Variants in RNF180 observed in about 807,000 individuals in gnomAD.
RNF180 encodes ring finger protein 180.
RNF180 carries 38 observed loss-of-function variants against 59.2 expected under a neutral mutation model. That is an observed-to-expected ratio of 0.64 (90% CI 0.50 to 0.84). RNF180 has a LOEUF of 0.84. Ranked by LOEUF, RNF180 falls within the 40% of genes least tolerant of loss-of-function variation. The pLI, the probability that RNF180 is intolerant of heterozygous loss-of-function variation, is 0.00. For synonymous variants in RNF180, 262 were observed against 240.3 expected (o/e 1.09, Z -0.84); for missense variants, 705 against 700.9 (o/e 1.01, Z -0.07).
At chr5:64,256,976 A>T (rs866116919) in intron 5 of RNF180, among the ~76,000 whole-genome samples, 2 of 152,116 alleles carry the variant, frequency 1.3e-5, no homozygotes, top group African/African-American at 2.4e-5. Context: ...TGTGAATGGG[A>T]GTTCACTCCT....
At chr5:64,165,360 T>C (rs1749565836), upstream of RNF180, among the ~76,000 whole-genome samples, 2 of 151,994 alleles carry the variant, frequency 1.3e-5, no homozygotes, top group African/African-American at 4.8e-5. Context: ...TGCACATCGG[T>C]GGAACTTTAG....
At chr5:64,284,207 T>C (rs1167803370) in intron 5 of RNF180, among the ~76,000 whole-genome samples, 1 of 146,560 alleles carries the variant, frequency 6.8e-6, no homozygotes, top group Non-Finnish European at 1.5e-5. Flanking sequence ...GCTTGTAGGG[T>C]TTCTACTGAA....
At chr5:64,172,926 A>G (rs565069972) in intron 1 of RNF180, among the ~76,000 whole-genome samples, 2 of 152,344 alleles carry the variant, frequency 1.3e-5, no homozygotes, top group Non-Finnish European at 2.9e-5. Context: ...ACATAGTTCT[A>G]CCACTGTCAA....
intron 5 of RNF180, among the ~76,000 whole-genome samples, chr5:64,240,882 TCTA>T (rs1209499885): frequency 2.0e-5 from 3 of 152,222 alleles, no homozygotes; most frequent in Admixed American, 6.5e-5. Flanking sequence ...TCTTAATTTC[TCTA>T]CTTAGTGTGG....
intron 2 of RNF180, among the ~76,000 whole-genome samples, chr5:64,203,181 A>G (rs1321803527): frequency 6.6e-6 from 1 of 152,192 alleles, no homozygotes; most frequent in Non-Finnish European, 1.5e-5. Flanking sequence ...GGTCCTTAGG[A>G]TCTCTAAAGT....
chr5:64,267,664 C>T (rs973694056), intron 5 of RNF180, among the ~76,000 whole-genome samples: 2 of 151,976 alleles, frequency 1.3e-5, no homozygotes, highest in African/African-American at 4.8e-5. Context: ...CATCCATGTC[C>T]CTACAAAGGA....
intron 2 of RNF180, among the ~76,000 whole-genome samples, chr5:64,211,171 T>C (rs1016565692): frequency 2.5e-4 from 38 of 152,214 alleles, no homozygotes; most frequent in African/African-American, 8.4e-4. Context: ...TAGAGGAATA[T>C]CTCAAAGGGA....
At chr5:64,361,152 G>A (rs1399415242) in intron 7 of RNF180, among the ~76,000 whole-genome samples, 2 of 151,268 alleles carry the variant, frequency 1.3e-5, no homozygotes, top group Non-Finnish European at 3.0e-5. Flanking sequence ...ATAAAATCAT[G>A]ATACACAAAC....
chr5:64,215,646 A>G (rs1245424167), intron 4 of RNF180, among the ~76,000 whole-genome samples: 1 of 152,174 alleles, frequency 6.6e-6, no homozygotes, highest in Non-Finnish European at 1.5e-5. Flanking sequence ...AACATACTTC[A>G]TAGTTTAACT....
chr5:64,239,775 C>A (rs959407663), intron 5 of RNF180, among the ~76,000 whole-genome samples: 7 of 152,070 alleles, frequency 4.6e-5, no homozygotes, highest in Non-Finnish European at 5.9e-5. Flanking sequence ...ATAAACATTA[C>A]CTTCATCTGA....
At chr5:64,256,307 TTTC>T (rs1273212631) in intron 5 of RNF180, among the ~76,000 whole-genome samples, 1 of 152,236 alleles carries the variant, frequency 6.6e-6, no homozygotes, top group African/African-American at 2.4e-5. Context: ...TTGCCTAGGT[TTTC>T]TTCTTCGGTT....
At chr5:64,355,192 G>A (rs1739385481) in intron 7 of RNF180, among the ~76,000 whole-genome samples, 1 of 151,874 alleles carries the variant, frequency 6.6e-6, no homozygotes, top group African/African-American at 2.4e-5. Flanking sequence ...GAATTCAGAA[G>A]AAAGCTACTA....
chr5:64,268,592 T>A (rs759318703), intron 5 of RNF180, among the ~76,000 whole-genome samples: 1 of 152,174 alleles, frequency 6.6e-6, no homozygotes, highest in East Asian at 1.9e-4. Context: ...ATACCCCTTA[T>A]ACATGGAGGA....
chr5:64,214,382 C>T lies in RNF180; in HGVS notation c.1056C>T (p.Leu352=), dbSNP rs1357069056. The part of the protein sequence containing the change: ...MPEASDQEEH[L]SPLDFLHSAN... ...AGGCCTCAGACCAGGAAGAGCACCT[C>T]TCCCCTCTGGACTTCCTGCACTCAG... Residue 352 remains leucine, a synonymous_variant, in exon 4 of 8, where the codon CTC becomes CTT. Coordinates refer to ENST00000389100, the MANE Select transcript of RNF180 (RefSeq NM_001113561.2). The T allele has an allele frequency of 1.2e-6, 2 of 1,614,084 alleles. No homozygotes were observed. Among genetic ancestry groups the T allele is most frequent in the Non-Finnish European group, 8.5e-7 (1 of 1,180,004 alleles).
At chr5:64,366,572 T>C (rs1170762772) in intron 7 of RNF180, among the ~76,000 whole-genome samples, 1 of 151,448 alleles carries the variant, frequency 6.6e-6, no homozygotes, top group African/African-American at 2.4e-5. Flanking sequence ...TCTCTTTCAG[T>C]AAATGAAATA....
At chr5:64,289,780 T>C (rs1043572419) in intron 5 of RNF180, among the ~76,000 whole-genome samples, 1 of 152,170 alleles carries the variant, frequency 6.6e-6, no homozygotes, top group Non-Finnish European at 1.5e-5. Context: ...TTGTTCTCTC[T>C]TCTGTTCTTT....
At chr5:64,292,561 G>A (rs566749616) in intron 5 of RNF180, among the ~76,000 whole-genome samples, 1 of 152,312 alleles carries the variant, frequency 6.6e-6, no homozygotes, top group East Asian at 1.9e-4. Context: ...CCTGTAGGAG[G>A]TGTCTGGATA....
intron 5 of RNF180, among the ~76,000 whole-genome samples, chr5:64,253,761 G>A (rs1266973404): frequency 2.6e-5 from 4 of 151,906 alleles, no homozygotes; most frequent in African/African-American, 2.4e-5. Context: ...GTAATAAGTG[G>A]AGTTCCTTCA....
At chr5:64,263,750 A>C (rs1744492647) in intron 5 of RNF180, among the ~76,000 whole-genome samples, 1 of 152,118 alleles carries the variant, frequency 6.6e-6, no homozygotes, top group Admixed American at 6.6e-5. Context: ...CCCACTGCCT[A>C]ACTCAAAAAC....
Sources: gnomAD v4.1 joint callset for allele counts (sites outside exome capture counted in the v4.1 genomes callset) on GRCh38, gnomAD v4.1.1 for gene constraint, MANE v1.5 for transcripts, NCBI Gene and HGNC (gene_info 2026-07-23, HGNC 2026-07-21) for gene names.